The following GRID2 variants were observed in gnomAD, a reference collection of about 807,000 sequenced individuals.
GRID2 encodes the protein glutamate ionotropic receptor delta type subunit 2.
A neutral mutation model predicts 114.8 loss-of-function variants in GRID2; 33 were observed. That is an observed-to-expected ratio of 0.29 (90% CI 0.22 to 0.38). GRID2 has a LOEUF of 0.38. GRID2 is among the 10% of genes least tolerant of loss of function. The pLI, the probability that GRID2 is intolerant of heterozygous loss-of-function variation, is 1.00. For missense variants in GRID2, 1,184 were observed against 1,257.7 expected (o/e 0.94, Z 0.89); for synonymous variants, 505 against 449.9 (o/e 1.12, Z -1.55).
At chr4:92,571,463 A>T (rs908565614) in intron 1 of GRID2, among the ~76,000 whole-genome samples, 1 of 151,950 alleles carries the variant, frequency 6.6e-6, no homozygotes, top group African/African-American at 2.4e-5. Flanking sequence ...TGTCAACATT[A>T]GACAGATCAA....
intron 14 of GRID2, among the ~76,000 whole-genome samples, chr4:93,682,492 T>C (rs950920672): frequency 3.9e-5 from 6 of 152,028 alleles, no homozygotes; most frequent in Non-Finnish European, 8.8e-5. Context: ...GTATGTTTAT[T>C]GTGGCACTAT....
intron 2 of GRID2, among the ~76,000 whole-genome samples, chr4:92,906,255 A>G (rs1009420039): frequency 3.3e-5 from 5 of 152,224 alleles, no homozygotes; most frequent in Non-Finnish European, 5.9e-5. Context: ...GCTTCCCTTG[A>G]ACCAGGATTA....
At chr4:93,118,270 G>A (rs1444070619) in intron 4 of GRID2, among the ~76,000 whole-genome samples, 1 of 151,996 alleles carries the variant, frequency 6.6e-6, no homozygotes, top group African/African-American at 2.4e-5. Context: ...CATGGTTGTT[G>A]GCTCATATAC....
intron 8 of GRID2, among the ~76,000 whole-genome samples, chr4:93,245,004 T>C (rs906196227): frequency 1.1e-4 from 16 of 152,060 alleles, no homozygotes; most frequent in African/African-American, 2.7e-4. Context: ...AATGAATTCA[T>C]GTCTTGGAAG....
intron 8 of GRID2, among the ~76,000 whole-genome samples, chr4:93,323,486 C>T (rs1233613925): frequency 6.6e-6 from 1 of 152,118 alleles, no homozygotes; most frequent in Non-Finnish European, 1.5e-5. Flanking sequence ...AGTGTGATGC[C>T]TCCAGCTTTG....
chr4:93,538,892 G>A (rs1397090601), intron 13 of GRID2, among the ~76,000 whole-genome samples: 2 of 151,578 alleles, frequency 1.3e-5, no homozygotes, highest in African/African-American at 2.4e-5. Context: ...GACATTAACA[G>A]CAAAACTGTT....
intron 2 of GRID2, among the ~76,000 whole-genome samples, chr4:92,991,332 A>T (rs1400152818): frequency 6.6e-6 from 1 of 152,212 alleles, no homozygotes; most frequent in South Asian, 2.1e-4. Context: ...GGCCAAAAAA[A>T]TTACTGTAGT....
chr4:93,356,798 A>G (rs936958264), intron 8 of GRID2, among the ~76,000 whole-genome samples: 2 of 151,894 alleles, frequency 1.3e-5, no homozygotes, highest in South Asian at 2.1e-4. Context: ...TATCTTGTTC[A>G]TATTTTTGAG....
intron 1 of GRID2, among the ~76,000 whole-genome samples, chr4:92,500,859 A>C (rs1579474797): frequency 6.6e-6 from 1 of 152,086 alleles, no homozygotes; most frequent in South Asian, 2.1e-4. Flanking sequence ...TGGTTTCTTA[A>C]GTGAGTATTG....
intron 1 of GRID2, among the ~76,000 whole-genome samples, chr4:92,520,814 A>G (rs1267416128): frequency 2.0e-5 from 3 of 151,946 alleles, no homozygotes; most frequent in Non-Finnish European, 4.4e-5. Context: ...ATTGTGTCTC[A>G]ATCAACATAG....
intron 1 of GRID2, among the ~76,000 whole-genome samples, chr4:92,528,600 G>A (rs1725156763): frequency 6.6e-6 from 1 of 151,856 alleles, no homozygotes; most frequent in Non-Finnish European, 1.5e-5. Flanking sequence ...AGGGTATACT[G>A]GGGAAGAAAT....
chr4:93,524,717 A>G (rs1578186880), intron 13 of GRID2, among the ~76,000 whole-genome samples: 2 of 149,440 alleles, frequency 1.3e-5, no homozygotes. Context: ...TAGCAGACAA[A>G]TCATACTACA....
intron 2 of GRID2, among the ~76,000 whole-genome samples, chr4:92,712,595 A>G (rs1735309670): frequency 1.3e-5 from 2 of 152,158 alleles, no homozygotes; most frequent in African/African-American, 4.8e-5. Context: ...ACTTATGGCT[A>G]TATTAGGAAG....
intron 2 of GRID2, among the ~76,000 whole-genome samples, chr4:93,005,302 C>T (rs1721394940): frequency 6.6e-6 from 1 of 152,042 alleles, no homozygotes; most frequent in Non-Finnish European, 1.5e-5. Context: ...ATCATATATT[C>T]TCACTAACTC....
chr4:92,472,162 T>C (rs978119658), intron 1 of GRID2, among the ~76,000 whole-genome samples: 3 of 62,164 alleles, frequency 4.8e-5, no homozygotes, highest in Non-Finnish European at 9.9e-5. Context: ...CTCGATCTCC[T>C]GACCTCGTGA....
intron 1 of GRID2, among the ~76,000 whole-genome samples, chr4:92,539,350 A>G (rs1725813256): frequency 6.6e-6 from 1 of 152,132 alleles, no homozygotes; most frequent in Admixed American, 6.5e-5. Context: ...TTTCCTGTGC[A>G]TTAATGGTGA....
At chr4:92,406,148 C>A (rs1396417057) in intron 1 of GRID2, among the ~76,000 whole-genome samples, 1 of 152,122 alleles carries the variant, frequency 6.6e-6, no homozygotes, top group Non-Finnish European at 1.5e-5. Context: ...CATTCCCCAG[C>A]CCACTGACTC....
chr4:93,448,663 A>G (rs1385806562), intron 10 of GRID2, among the ~76,000 whole-genome samples: 2 of 152,078 alleles, frequency 1.3e-5, no homozygotes, highest in African/African-American at 4.8e-5. Flanking sequence ...AGAAATCATC[A>G]TGTTAAACAA....
At position 93,773,940 on chromosome 4, in the gene GRID2, G is replaced by A. The variant is rs1305776681; in HGVS notation, c.*1442G>A. 1 of 152,040 alleles carries A rather than the reference G, an allele frequency of 6.6e-6. No individual in the cohort carries two copies. 9.4% of individuals were successfully genotyped at this position (152,040 alleles called of 1,614,324 possible). A position where few individuals can be genotyped will look rare whatever the true frequency, so the allele number is the denominator to read the frequency against. On this transcript the variant is annotated 3_prime_UTR_variant, in exon 16 of 16. Transcript: ENST00000282020. The stretch of plus-strand genomic sequence containing the variant: ...AGCATTCTTACTTGTTAGAAATGTA[G>A]AATGAACTTTGTTTGTAATCCTTAA...
Sources: allele counts gnomAD v4.1 joint callset (sites outside exome capture counted in the v4.1 genomes callset), GRCh38; gene constraint gnomAD v4.1.1; transcripts MANE v1.5; gene names NCBI Gene and HGNC (gene_info 2026-07-23, HGNC 2026-07-21).